Variants in FOXP1 observed in about 807,000 individuals in gnomAD.
FOXP1 encodes the protein forkhead box P1.
FOXP1 carries 15 observed loss-of-function variants against 98.2 expected under a neutral mutation model. The ratio of observed to expected loss-of-function variants is 0.15; its 90% CI spans 0.10 to 0.24. FOXP1 has a LOEUF of 0.24. Ranked by LOEUF, FOXP1 falls within the 10% of genes least tolerant of loss-of-function variation. The pLI, the probability that FOXP1 is intolerant of heterozygous loss-of-function variation, is 1.00. For missense variants in FOXP1, 633 were observed against 848.5 expected, an observed-to-expected ratio of 0.75 and a Z score of 3.15; for synonymous variants, 371 against 314.5, an observed-to-expected ratio of 1.18 and a Z score of -1.90.
chr3:71,035,967 G>T (rs933540695), intron 11 of FOXP1, among the ~76,000 whole-genome samples: 2 of 151,784 alleles, frequency 1.3e-5, no homozygotes, highest in Non-Finnish European at 2.9e-5. Context: ...CACAAACACA[G>T]AATTTAGTTT....
chr3:71,134,626 A>G (rs1015316430), intron 6 of FOXP1, among the ~76,000 whole-genome samples: 12 of 152,228 alleles, frequency 7.9e-5, no homozygotes, highest in African/African-American at 2.9e-4. Context: ...CTGGGCAATT[A>G]AAGCCAAAGA....
chr3:71,158,865 G>A (rs544290633), intron 6 of FOXP1, among the ~76,000 whole-genome samples: 3 of 152,146 alleles, frequency 2.0e-5, no homozygotes, highest in Non-Finnish European at 2.9e-5. Context: ...CAGCACTTTG[G>A]GGGGCCAAGG....
Position 71,388,632 on chromosome 3 carries a change from CACTT to C in FOXP1, c.-167-29392_-167-29389del, listed in dbSNP as rs201765537. ...TGAAGTTTCCTAAAGCACAAGGTAA[CACTT>C]AGTTGCTTTCAAGGGTGCTCAAGGG... On this transcript the variant is annotated intron_variant, in intron 3 of 20. Transcript: ENST00000649528. 5.4e-3 allele frequency among the ~76,000 whole-genome samples: 827 copies of C among 152,048 alleles called. 10 individuals are homozygous for C. Among genetic ancestry groups the C allele is most frequent in the African/African-American group, 0.018 (758 of 41,460 alleles).
At chr3:71,154,224 G>C (rs1341077958) in intron 6 of FOXP1, among the ~76,000 whole-genome samples, 1 of 151,728 alleles carries the variant, frequency 6.6e-6, no homozygotes. Context: ...TTTTGTGTGT[G>C]TGGGTGTGGT....
intron 16 of FOXP1, 126 bp from the exon 17 acceptor site, chr3:70,977,168 G>T: frequency 1.4e-6 from 1 of 703,642 alleles, no homozygotes. Flanking sequence ...TTTACAAAAT[G>T]ATCTAAGATT....
chr3:71,444,963 G>C (rs182891219), intron 3 of FOXP1, among the ~76,000 whole-genome samples: 28 of 152,312 alleles, frequency 1.8e-4, no homozygotes, highest in Admixed American at 9.2e-4. Flanking sequence ...AAACGAATGT[G>C]AAGGATATCC....
At chr3:71,154,216 T>G (rs1462179786) in intron 6 of FOXP1, among the ~76,000 whole-genome samples, 2 of 152,172 alleles carry the variant, frequency 1.3e-5, no homozygotes, top group East Asian at 1.9e-4. Flanking sequence ...TATCATTTTT[T>G]TGTGTGTGTG....
intron 4 of FOXP1, among the ~76,000 whole-genome samples, chr3:71,302,173 C>T (rs1486612336): frequency 1.3e-5 from 2 of 152,158 alleles, no homozygotes; most frequent in African/African-American, 4.8e-5. Context: ...ATCTAACAGA[C>T]ATTTTTCTAG....
intron 6 of FOXP1, among the ~76,000 whole-genome samples, chr3:71,126,237 C>T (rs2059161246): frequency 6.6e-6 from 1 of 151,944 alleles, no homozygotes; most frequent in African/African-American, 2.4e-5. Context: ...GTAATCCCAG[C>T]AATTTGGGAG....
rs752837961 is a variant in FOXP1, at chr3:70,977,742, C to T, written c.1349-20G>A. 1.9e-6 allele frequency: 3 copies of T among 1,613,132 alleles called. No individual in the cohort carries two copies. The highest frequency in any genetic ancestry group is 3.3e-5 in the Admixed American group (2 of 60,030). ...TATCTGCTGAATAAGAATCATTGTCCTATTAATTATCACTTTTTCAAAAGG... is the reference window on the plus strand; with the variant it reads ...TATCTGCTGAATAAGAATCATTGTCTTATTAATTATCACTTTTTCAAAAGG... On this transcript the variant is annotated intron_variant, in intron 15 of 20. Coordinates refer to ENST00000649528, the MANE Select transcript of FOXP1 (RefSeq NM_001349338.3).
At chr3:71,412,285 C>T (rs2082809909) in intron 3 of FOXP1, among the ~76,000 whole-genome samples, 1 of 152,132 alleles carries the variant, frequency 6.6e-6, no homozygotes, top group Non-Finnish European at 1.5e-5. Context: ...TCCATGAGGG[C>T]TCAAAGTTAC....
chr3:71,394,473 C>T lies in FOXP1; in HGVS notation c.-167-35229G>A, dbSNP rs189352038. On this transcript the variant is annotated intron_variant, in intron 3 of 20. Transcript: ENST00000649528. ...GAGGGAAAAAGGTAACTATACCCAC[C>T]ATGAATTTGTCTGCTAGGTTTCTCC... is the stretch of plus-strand genomic sequence containing the variant. 2.8e-3 allele frequency among the ~76,000 whole-genome samples: 419 copies of T among 152,256 alleles called. 3 individuals are homozygous for T. The highest frequency in any genetic ancestry group is 9.8e-3 in the African/African-American group (408 of 41,546).
intron 6 of FOXP1, among the ~76,000 whole-genome samples, chr3:71,177,676 T>C (rs2062020370): frequency 6.6e-6 from 1 of 152,046 alleles, no homozygotes; most frequent in African/African-American, 2.4e-5. Flanking sequence ...TAAAAGTACT[T>C]AGCTCACAGG....
intron 13 of FOXP1, among the ~76,000 whole-genome samples, chr3:70,997,084 C>T (rs575050627): frequency 3.3e-5 from 5 of 152,232 alleles, no homozygotes; most frequent in African/African-American, 7.2e-5. Context: ...TTAAGAAATA[C>T]GAAATAGGCT....
At chr3:71,281,516 C>T (rs757554773) in intron 5 of FOXP1, among the ~76,000 whole-genome samples, 1 of 152,230 alleles carries the variant, frequency 6.6e-6, no homozygotes, top group African/African-American at 2.4e-5. Flanking sequence ...TCCCATCTAG[C>T]CTAGGACATG....
intron 4 of FOXP1, among the ~76,000 whole-genome samples, chr3:71,337,871 CAGCATCCATG>C (rs1217156672): frequency 6.6e-6 from 1 of 152,176 alleles, no homozygotes; most frequent in African/African-American, 2.4e-5. Context: ...AGTGGAGCAG[CAGCATCCATG>C]CCAGACAGAC....
In FOXP1 at chr3:70,994,515, C is replaced by T. The variant is rs1371210345; in HGVS notation, c.1063-6438G>A. ...TTGCCAACAACCCTTTCCACTGTCA[C>T]CTTCCCCAATCCCTCACCCCTTGCT... On this transcript the variant is annotated intron_variant, in intron 13 of 20. Transcript: ENST00000649528. Among the ~76,000 whole-genome samples, 6 of 152,172 alleles carry T rather than the reference C, an allele frequency of 3.9e-5. No individual in the cohort carries two copies. In the East Asian group the frequency reaches 1.2e-3, roughly 29 times the overall value.
intron 4 of FOXP1, among the ~76,000 whole-genome samples, chr3:71,304,041 C>T (rs2074070663): frequency 6.6e-6 from 1 of 152,204 alleles, no homozygotes; most frequent in South Asian, 2.1e-4. Flanking sequence ...TCTCTCCTAT[C>T]CCTGCAAGTA....
At chr3:71,451,097 C>A (rs1273085379) in intron 3 of FOXP1, among the ~76,000 whole-genome samples, 2 of 152,186 alleles carry the variant, frequency 1.3e-5, no homozygotes, top group Non-Finnish European at 2.9e-5. Flanking sequence ...AATCTTCCCC[C>A]CAAGCAGTGC....
Sources: allele counts gnomAD v4.1 joint callset (sites outside exome capture counted in the v4.1 genomes callset), GRCh38; gene constraint gnomAD v4.1.1; transcripts MANE v1.5; gene names NCBI Gene and HGNC (gene_info 2026-07-23, HGNC 2026-07-21).